The following PTPRM variants were observed in gnomAD, a reference collection of about 807,000 sequenced individuals.
PTPRM encodes receptor-type tyrosine-protein phosphatase mu.
A neutral mutation model predicts 186.7 loss-of-function variants in PTPRM; 47 were observed. The ratio of observed to expected loss-of-function variants is 0.25; its 90% CI spans 0.20 to 0.32. PTPRM has a LOEUF of 0.32. Among genes scored for constraint, PTPRM ranks in the 10% least tolerant of loss-of-function variants. The pLI is 1.00. For synonymous variants in PTPRM, 668 were observed against 674.9 expected (o/e 0.99, Z 0.16); for missense variants, 1,494 against 1,865.0 (o/e 0.80, Z 3.66).
At chr18:8,023,155 C>T (rs1361136808) in intron 7 of PTPRM, among the ~76,000 whole-genome samples, 6 of 151,624 alleles carry the variant, frequency 4.0e-5, no homozygotes, top group African/African-American at 1.2e-4. Flanking sequence ...CAGGGAGGAT[C>T]GTGGATGGGA....
intron 2 of PTPRM, among the ~76,000 whole-genome samples, chr18:7,881,431 G>A (rs1229049721): frequency 2.0e-5 from 3 of 152,202 alleles, no homozygotes; most frequent in Admixed American, 1.3e-4. Context: ...GCAAAACTCC[G>A]TCTTGGAGTA....
chr18:8,297,751 C>A (rs958565158), intron 20 of PTPRM, among the ~76,000 whole-genome samples: 1 of 152,182 alleles, frequency 6.6e-6, no homozygotes, highest in Non-Finnish European at 1.5e-5. Flanking sequence ...ACATATGACA[C>A]AAAACGTCCC....
chr18:8,258,342 A>G (rs1015738541), intron 19 of PTPRM, among the ~76,000 whole-genome samples: 7 of 152,150 alleles, frequency 4.6e-5, no homozygotes, highest in Admixed American at 3.3e-4. Context: ...ACCCTGCCCC[A>G]CGCAGACTTC....
intron 1 of PTPRM, among the ~76,000 whole-genome samples, chr18:7,707,340 T>C (rs988787336): frequency 1.5e-4 from 23 of 152,066 alleles, no homozygotes; most frequent in Non-Finnish European, 2.9e-4. Context: ...AAAAATACTC[T>C]GTTTAGGGTC....
chr18:7,954,182 A>G (rs2053162525), intron 6 of PTPRM, among the ~76,000 whole-genome samples: 1 of 152,214 alleles, frequency 6.6e-6, no homozygotes, highest in Non-Finnish European at 1.5e-5. Flanking sequence ...TTATGATAAG[A>G]TTGACAATGA....
intron 7 of PTPRM, among the ~76,000 whole-genome samples, chr18:8,038,109 C>G (rs2086452261): frequency 6.6e-6 from 1 of 152,100 alleles, no homozygotes; most frequent in Non-Finnish European, 1.5e-5. Context: ...AGATGTCTCC[C>G]CAAATACTAC....
At chr18:7,979,115 G>A (rs1171728562) in intron 7 of PTPRM, among the ~76,000 whole-genome samples, 1 of 152,138 alleles carries the variant, frequency 6.6e-6, no homozygotes, top group East Asian at 1.9e-4. Context: ...ACAAAAGGGA[G>A]GGCAGAGAGA....
At chr18:8,368,664 A>C (rs1487609842) in intron 23 of PTPRM, among the ~76,000 whole-genome samples, 1 of 152,206 alleles carries the variant, frequency 6.6e-6, no homozygotes, top group East Asian at 1.9e-4. Flanking sequence ...CACATAGCTC[A>C]TGGGGGAACA....
At chr18:7,904,993 AT>A (rs962230740) in intron 3 of PTPRM, among the ~76,000 whole-genome samples, 18 of 150,056 alleles carry the variant, frequency 1.2e-4, no homozygotes, top group African/African-American at 4.4e-4. Flanking sequence ...CCTTTTTTTT[AT>A]TTTTTTTTAT....
chr18:8,212,488 T>C (rs1235798045), intron 14 of PTPRM, among the ~76,000 whole-genome samples: 1 of 152,198 alleles, frequency 6.6e-6, no homozygotes. Flanking sequence ...CAATGACATA[T>C]TTACATATGT....
At chr18:8,363,762 G>A (rs568987280) in intron 23 of PTPRM, among the ~76,000 whole-genome samples, 7 of 152,234 alleles carry the variant, frequency 4.6e-5, no homozygotes, top group African/African-American at 1.7e-4. Flanking sequence ...TTCTGATTAA[G>A]TTTTCATCAA....
intron 11 of PTPRM, among the ~76,000 whole-genome samples, chr18:8,104,309 G>C (rs1426238009): frequency 1.3e-5 from 2 of 152,008 alleles, no homozygotes; most frequent in Non-Finnish European, 2.9e-5. Flanking sequence ...TTACACCTTT[G>C]TTTCTATATT....
chr18:8,218,233 G>A (rs1028119997), intron 14 of PTPRM, among the ~76,000 whole-genome samples: 2 of 152,126 alleles, frequency 1.3e-5, no homozygotes, highest in African/African-American at 4.8e-5. Flanking sequence ...GTTACAGAGT[G>A]GAATATTAAT....
At chr18:8,271,169 C>T (rs1210761637) in intron 19 of PTPRM, among the ~76,000 whole-genome samples, 1 of 152,054 alleles carries the variant, frequency 6.6e-6, no homozygotes, top group East Asian at 1.9e-4. Flanking sequence ...AGGAAATTCC[C>T]TTTAATCCCT....
intron 13 of PTPRM, among the ~76,000 whole-genome samples, chr18:8,117,367 A>G (rs756992715): frequency 1.3e-5 from 2 of 152,216 alleles, no homozygotes; most frequent in Non-Finnish European, 2.9e-5. Context: ...TTGAATGTAC[A>G]AAGATTTCAA....
intron 7 of PTPRM, among the ~76,000 whole-genome samples, chr18:8,015,569 A>G (rs1265376016): frequency 7.5e-6 from 1 of 133,740 alleles, no homozygotes; most frequent in Admixed American, 7.7e-5. Flanking sequence ...CTGATTGACA[A>G]CCTTGCTTAC....
At chr18:7,674,829 G>A (rs1359655804) in intron 1 of PTPRM, among the ~76,000 whole-genome samples, 1 of 152,194 alleles carries the variant, frequency 6.6e-6, no homozygotes, top group East Asian at 1.9e-4. Context: ...TGCCTTGGTA[G>A]GCTCTTAATC....
At chr18:7,785,361 G>A (rs2043049628) in intron 2 of PTPRM, among the ~76,000 whole-genome samples, 2 of 152,064 alleles carry the variant, frequency 1.3e-5, no homozygotes, top group African/African-American at 4.8e-5. Context: ...GAATACCCTC[G>A]TTCTTAGGAG....
chr18:7,658,330 T>TTTTATATATA (rs71354562), intron 1 of PTPRM, among the ~76,000 whole-genome samples: 1 of 124,452 alleles, frequency 8.0e-6, no homozygotes, highest in Non-Finnish European at 1.7e-5. Context: ...TAAAGTAAAT[T>TTTTATATATA]TATATATATA....
Sources: gnomAD v4.1 joint callset for allele counts (sites outside exome capture counted in the v4.1 genomes callset) on GRCh38, gnomAD v4.1.1 for gene constraint, MANE v1.5 for transcripts, NCBI Gene and HGNC (gene_info 2026-07-23, HGNC 2026-07-21) for gene names.